Variants in MSRA observed in about 807,000 individuals in gnomAD.
MSRA encodes mitochondrial peptide methionine sulfoxide reductase.
A neutral mutation model predicts 31.3 loss-of-function variants in MSRA; 54 were observed. The ratio of observed to expected loss-of-function variants is 1.73; its 90% CI spans 1.39 to 2.17. The LOEUF (loss-of-function observed/expected upper bound fraction) is 2.17, where lower values mean the gene tolerates loss of function less well. Among genes scored for constraint, MSRA ranks in the 30% most tolerant of loss-of-function variants. The pLI is 0.00. For synonymous variants in MSRA, 169 were observed against 116.5 expected, an observed-to-expected ratio of 1.45 and a Z score of -2.90; for missense variants, 507 against 300.9, an observed-to-expected ratio of 1.69 and a Z score of -5.07.
intron 1 of MSRA, among the ~76,000 whole-genome samples, chr8:10,132,397 C>G (rs1041738279): frequency 6.6e-6 from 1 of 152,188 alleles, no homozygotes; most frequent in African/African-American, 2.4e-5. Flanking sequence ...GTCTGGTTAC[C>G]ATGGATCTTA....
At chr8:10,317,867 C>T (rs1287522846) in intron 4 of MSRA, among the ~76,000 whole-genome samples, 3 of 152,182 alleles carry the variant, frequency 2.0e-5, no homozygotes, top group Admixed American at 2.0e-4. Flanking sequence ...CCAGAAAATA[C>T]TGTAGCTCAT....
At chr8:10,133,142 A>C (rs79095982) in intron 1 of MSRA, among the ~76,000 whole-genome samples, 3,065 of 152,248 alleles carry the variant, frequency 0.02, 44 homozygotes, top group Non-Finnish European at 0.031. Flanking sequence ...TTGATGAGGT[A>C]TATATTTCAA....
At chr8:10,400,206 C>G (rs1396347962) in intron 5 of MSRA, among the ~76,000 whole-genome samples, 3 of 151,758 alleles carry the variant, frequency 2.0e-5, no homozygotes, top group African/African-American at 4.8e-5. Flanking sequence ...GGAGGCCAGG[C>G]TGGAATGGGA....
At chr8:10,376,286 C>A (rs1457890061) in intron 5 of MSRA, among the ~76,000 whole-genome samples, 1 of 152,254 alleles carries the variant, frequency 6.6e-6, no homozygotes, top group Non-Finnish European at 1.5e-5. Context: ...CTATCCCTGG[C>A]TTCTACAATG....
At chr8:10,357,998 C>T (rs1804608396) in intron 5 of MSRA, among the ~76,000 whole-genome samples, 1 of 152,226 alleles carries the variant, frequency 6.6e-6, no homozygotes, top group African/African-American at 2.4e-5. Context: ...TCTTGGCTCA[C>T]TGCAACCTCT....
At chr8:10,261,477 C>G (rs146096061) in intron 3 of MSRA, among the ~76,000 whole-genome samples, 2 of 151,652 alleles carry the variant, frequency 1.3e-5, no homozygotes, top group East Asian at 3.9e-4. Flanking sequence ...GGGAGGATTG[C>G]TTGAGGCCAG....
chr8:10,144,977 T>G (rs1803016067), intron 1 of MSRA, among the ~76,000 whole-genome samples: 1 of 150,434 alleles, frequency 6.6e-6, no homozygotes, highest in Non-Finnish European at 1.5e-5. Flanking sequence ...AGGGGGCATG[T>G]AGGAGTCTCC....
chr8:10,316,424 T>C (rs1003585903), intron 4 of MSRA, among the ~76,000 whole-genome samples: 1 of 152,114 alleles, frequency 6.6e-6, no homozygotes, highest in Non-Finnish European at 1.5e-5. Context: ...GATATGGGTT[T>C]ACTAATATCC....
chr8:10,343,789 A>C (rs1803593969), intron 5 of MSRA, among the ~76,000 whole-genome samples: 1 of 152,248 alleles, frequency 6.6e-6, no homozygotes. Context: ...AAACCAAAAA[A>C]TAACAAAGGA....
chr8:10,289,984 G>A (rs1800145282), intron 3 of MSRA, among the ~76,000 whole-genome samples: 1 of 152,158 alleles, frequency 6.6e-6, no homozygotes, highest in Non-Finnish European at 1.5e-5. Context: ...CTTTATGTCT[G>A]TTATTGCTCT....
chr8:10,333,158 TTGAA>T (rs1192669285), intron 5 of MSRA, among the ~76,000 whole-genome samples: 5 of 152,266 alleles, frequency 3.3e-5, no homozygotes, highest in East Asian at 1.9e-4. Flanking sequence ...AGGGTGATGT[TTGAA>T]TGAATGAATT....
chr8:10,291,606 T>C (rs1257516872), intron 3 of MSRA, among the ~76,000 whole-genome samples: 1 of 152,138 alleles, frequency 6.6e-6, no homozygotes, highest in Non-Finnish European at 1.5e-5. Context: ...TTGTAGTTAA[T>C]TAGCAAGAGA....
At chr8:10,204,747 T>C (rs923601241) in intron 1 of MSRA, among the ~76,000 whole-genome samples, 45 of 152,352 alleles carry the variant, frequency 3.0e-4, no homozygotes, top group African/African-American at 1.1e-3. Flanking sequence ...TCAAATAAGT[T>C]ATCTTTCATA....
intron 5 of MSRA, among the ~76,000 whole-genome samples, chr8:10,366,825 G>T (rs1027159510): frequency 6.6e-6 from 1 of 152,130 alleles, no homozygotes; most frequent in South Asian, 2.1e-4. Flanking sequence ...CTGAGATGAC[G>T]TAGGACTTAA....
At chr8:10,326,568 T>A (rs1174026414) in intron 5 of MSRA, 2 of 152,148 alleles carry the variant, frequency 1.3e-5, no homozygotes, top group Admixed American at 1.3e-4. Context: ...GGATTCTGCT[T>A]ACAGAATTTG....
intron 1 of MSRA, among the ~76,000 whole-genome samples, chr8:10,096,752 G>T (rs532780539): frequency 6.6e-6 from 1 of 152,132 alleles, no homozygotes; most frequent in Admixed American, 6.5e-5. Context: ...ATTATGATTG[G>T]ATTGTGATAG....
chr8:10,319,830 C>A, intron 4 of MSRA, 53 bp from the exon 5 acceptor site: 1 of 1,115,646 alleles, frequency 9.0e-7, no homozygotes, highest in Non-Finnish European at 1.2e-6. Flanking sequence ...CAGTTTGAGA[C>A]TGGCACTGTC....
chr8:10,170,501 C>T (rs903685998), intron 1 of MSRA, among the ~76,000 whole-genome samples: 1 of 152,150 alleles, frequency 6.6e-6, no homozygotes, highest in Non-Finnish European at 1.5e-5. Context: ...ATAAATGACT[C>T]TTGGCCCTCC....
chr8:10,249,053 G>T (rs369259767), intron 3 of MSRA, among the ~76,000 whole-genome samples: 1 of 152,158 alleles, frequency 6.6e-6, no homozygotes, highest in African/African-American at 2.4e-5. Context: ...AACAGCCTGG[G>T]AGAGGGGAGG....
Sources: allele counts gnomAD v4.1 joint callset (sites outside exome capture counted in the v4.1 genomes callset), GRCh38; gene constraint gnomAD v4.1.1; transcripts MANE v1.5; gene names NCBI Gene and HGNC (gene_info 2026-07-23, HGNC 2026-07-21).